SLCO3A1: variants seen among roughly 807,000 people sequenced by gnomAD.
SLCO3A1 encodes PGE1 transporter.
A neutral mutation model predicts 63.1 loss-of-function variants in SLCO3A1; 27 were observed. That is an observed-to-expected ratio of 0.43 (90% confidence interval 0.32 to 0.59). SLCO3A1 has a LOEUF of 0.59. SLCO3A1 is among the 20% of genes least tolerant of loss of function. The probability of loss-of-function intolerance (pLI) is 0.09; values close to 1 mark genes in which losing one functional copy is unlikely to be tolerated. For missense variants in SLCO3A1, 773 were observed against 945.8 expected, an observed-to-expected ratio of 0.82 and a Z score of 2.40; for synonymous variants, 473 against 409.9, an observed-to-expected ratio of 1.15 and a Z score of -1.86.
At chr15:91,999,795 G>GA (rs34337422) in intron 2 of SLCO3A1, among the ~76,000 whole-genome samples, 1 of 151,938 alleles carries the variant, frequency 6.6e-6, no homozygotes, top group Non-Finnish European at 1.5e-5. Flanking sequence ...CTGTCTCTGA[G>GA]AAAAAAAATT....
At chr15:92,155,514 C>T (rs751037009) in intron 9 of SLCO3A1, among the ~76,000 whole-genome samples, 6 of 152,054 alleles carry the variant, frequency 3.9e-5, no homozygotes, top group Non-Finnish European at 8.8e-5. Context: ...TGAGTAGTTG[C>T]CAGTGTGGAG....
chr15:91,922,497 C>T (rs964969704), intron 2 of SLCO3A1, among the ~76,000 whole-genome samples: 18 of 152,160 alleles, frequency 1.2e-4, no homozygotes, highest in African/African-American at 4.3e-4. Context: ...GTACGAAGGG[C>T]CCCCGAATAC....
At chr15:92,089,085 G>A (rs948076444) in intron 2 of SLCO3A1, among the ~76,000 whole-genome samples, 1 of 151,878 alleles carries the variant, frequency 6.6e-6, no homozygotes, top group Admixed American at 6.6e-5. Flanking sequence ...GAGTGCAGTG[G>A]CGTGATCTCG....
intron 2 of SLCO3A1, among the ~76,000 whole-genome samples, chr15:91,930,444 T>A (rs1337995233): frequency 6.6e-6 from 1 of 152,240 alleles, no homozygotes; most frequent in East Asian, 1.9e-4. Context: ...GCATGGGATT[T>A]AATTTTATTT....
chr15:92,046,806 G>A (rs1183395286), intron 2 of SLCO3A1, among the ~76,000 whole-genome samples: 2 of 149,970 alleles, frequency 1.3e-5, no homozygotes, highest in East Asian at 2.0e-4. Flanking sequence ...TCAATTTTTC[G>A]TTGTCTGTCA....
chr15:92,007,402 C>T (rs986942266), intron 2 of SLCO3A1, among the ~76,000 whole-genome samples: 1 of 152,206 alleles, frequency 6.6e-6, no homozygotes, highest in South Asian at 2.1e-4. Flanking sequence ...TCCTCTCTTA[C>T]GTTGAATCGG....
At position 91,861,441 on chromosome 15, in the gene SLCO3A1, C is replaced by T. The variant is rs140306444; in HGVS notation, c.180+7353C>T. Among the ~76,000 whole-genome samples the T allele has an allele frequency of 3.4e-3, 520 of 152,218 alleles. 7 individuals carry two copies. The highest frequency in any genetic ancestry group is 0.012 in the African/African-American group (490 of 41,526). ...AGCCCTTACTGAGGACTTAGCAGCT[C>T]GATTGTTTAGTAGAAACGGTGTTAA... On this transcript the variant is annotated intron_variant, in intron 1 of 9. Coordinates refer to ENST00000318445, the MANE Select transcript of SLCO3A1 (RefSeq NM_013272.4).
chr15:91,936,287 GT>G (rs1379815312), intron 2 of SLCO3A1, among the ~76,000 whole-genome samples: 2 of 152,198 alleles, frequency 1.3e-5, no homozygotes, highest in African/African-American at 4.8e-5. Flanking sequence ...GCTATAGGAG[GT>G]TTTCGTCCTA....
intron 2 of SLCO3A1, among the ~76,000 whole-genome samples, chr15:91,965,020 C>T (rs976216899): frequency 6.6e-6 from 1 of 152,136 alleles, no homozygotes; most frequent in African/African-American, 2.4e-5. Context: ...GTCATCACCA[C>T]CATCTGAAGA....
rs113322295 is a variant in SLCO3A1 at position 91,862,163 on chromosome 15, AT to A, written c.180+8085del. Among the ~76,000 whole-genome samples, 6,557 of 147,532 alleles carry A rather than the reference AT, an allele frequency of 0.044. 468 individuals are homozygous for A. Among genetic ancestry groups the A allele is most frequent in the African/African-American group, 0.15 (6,153 of 40,312 alleles). On this transcript the variant is annotated intron_variant, in intron 1 of 9. Transcript: ENST00000318445. The surrounding 1 kb of genome is among the most constrained non-coding windows in gnomAD (Gnocchi z 4.0). ...ATGAAGTCTTATTTTTTTATTTTTT[AT>A]TTTTTTTTTGAGACAGTCTCACACT... is the stretch of plus-strand genomic sequence containing the variant.
At chr15:92,107,261 G>A (rs550049388) in intron 4 of SLCO3A1, among the ~76,000 whole-genome samples, 254 of 152,288 alleles carry the variant, frequency 1.7e-3, no homozygotes, top group African/African-American at 5.8e-3. Context: ...GTCTCAACAG[G>A]AAAAGAAGAA....
rs557149589 is a variant in SLCO3A1 at position 92,035,747 on chromosome 15, A to G, written c.647-59134A>G. On this transcript the variant is annotated intron_variant, in intron 2 of 9. Transcript: ENST00000318445. ...AGAGTGTGAATGTCCGCCAGTCTCC[A>G]TCCAGTGTTACTTCCCAGCCCAGAA... Among the ~76,000 whole-genome samples the G allele has an allele frequency of 2.0e-5, 3 of 151,934 alleles. No individual in the cohort carries two copies. In the East Asian group the frequency reaches 5.8e-4, roughly 29 times the overall value.
intron 2 of SLCO3A1, among the ~76,000 whole-genome samples, chr15:91,991,842 A>G (rs1294960319): frequency 2.0e-5 from 3 of 152,234 alleles, no homozygotes; most frequent in Non-Finnish European, 2.9e-5. Flanking sequence ...TGCACATATA[A>G]TGAAGTGGGA....
At chr15:92,043,868 G>A (rs1243325573) in intron 2 of SLCO3A1, among the ~76,000 whole-genome samples, 2 of 152,178 alleles carry the variant, frequency 1.3e-5, no homozygotes, top group Non-Finnish European at 2.9e-5. Context: ...GGAAGCTGAA[G>A]CACCTGTTCC....
At chr15:92,091,415 T>A (rs1428741724) in intron 2 of SLCO3A1, among the ~76,000 whole-genome samples, 1 of 152,130 alleles carries the variant, frequency 6.6e-6, no homozygotes, top group Non-Finnish European at 1.5e-5. Context: ...AATCTGCTCC[T>A]CCTCCATTCA....
At chr15:92,001,162 CTAAA>C (rs1418837943) in intron 2 of SLCO3A1, among the ~76,000 whole-genome samples, 15 of 125,678 alleles carry the variant, frequency 1.2e-4, no homozygotes, top group Non-Finnish European at 2.0e-4. Flanking sequence ...ACCATTTTCT[CTAAA>C]TAAGCAGTTA....
At chr15:91,998,507 T>G (rs2892288) in intron 2 of SLCO3A1, among the ~76,000 whole-genome samples, 42,362 of 151,768 alleles carry the variant, frequency 0.28, 6,339 homozygotes, top group African/African-American at 0.36. Context: ...CTCAAAAGAA[T>G]ATGTACAAGC....
chr15:92,007,677 G>A (rs2046327434), intron 2 of SLCO3A1, among the ~76,000 whole-genome samples: 1 of 152,172 alleles, frequency 6.6e-6, no homozygotes. Flanking sequence ...AGGCTTTTCT[G>A]AAAATTAGAA....
intron 2 of SLCO3A1, among the ~76,000 whole-genome samples, chr15:92,086,585 T>A (rs1237465586): frequency 6.6e-6 from 1 of 152,214 alleles, no homozygotes; most frequent in African/African-American, 2.4e-5. Flanking sequence ...CTTGGTGAAC[T>A]CTTCTGATAA....
Sources: allele counts gnomAD v4.1 joint callset (sites outside exome capture counted in the v4.1 genomes callset), GRCh38; gene constraint gnomAD v4.1.1; non-coding constraint Gnocchi (gnomAD v3.1); transcripts MANE v1.5; gene names NCBI Gene and HGNC (gene_info 2026-07-23, HGNC 2026-07-21).